Variants in TCF12 observed in about 807,000 individuals in gnomAD.
TCF12 encodes the protein DNA-binding protein HTF4.
A neutral mutation model predicts 86.0 loss-of-function variants in TCF12; 45 were observed. The observed-to-expected ratio is 0.52, with a 90% confidence interval of 0.41 to 0.67. TCF12 has a LOEUF of 0.67. TCF12 is among the 30% of genes least tolerant of loss of function. TCF12 has a pLI of 0.00. For synonymous variants in TCF12, 330 were observed against 299.6 expected, an observed-to-expected ratio of 1.10 and a Z score of -1.05; for missense variants, 881 against 859.9, an observed-to-expected ratio of 1.02 and a Z score of -0.31.
chr15:57,089,429 T>C (rs2048847431), intron 4 of TCF12, among the ~76,000 whole-genome samples: 1 of 152,144 alleles, frequency 6.6e-6, no homozygotes. Flanking sequence ...TCCCAGTCAT[T>C]AGCAGTGGGA....
intron 3 of TCF12, among the ~76,000 whole-genome samples, chr15:56,980,226 G>T (rs2062826068): frequency 1.3e-5 from 2 of 152,132 alleles, no homozygotes; most frequent in Non-Finnish European, 2.9e-5. Flanking sequence ...TTAGCTGGGG[G>T]TAGTGGCATG....
intron 3 of TCF12, among the ~76,000 whole-genome samples, chr15:56,948,109 G>A (rs185222656): frequency 8.4e-4 from 128 of 151,826 alleles, no homozygotes; most frequent in Middle Eastern, 3.4e-3. Context: ...GAGATGATGC[G>A]TACAAAAATA....
At chr15:57,222,919 G>A (rs1183255573) in intron 8 of TCF12, among the ~76,000 whole-genome samples, 3 of 151,412 alleles carry the variant, frequency 2.0e-5, no homozygotes, top group Admixed American at 6.6e-5. Flanking sequence ...AGACATGATG[G>A]CCTTTTCATT....
Position 57,286,994 on chromosome 15 carries a change from A to C in TCF12, c.*849A>C, listed in dbSNP as rs2061956469. ...ATTTTGTTCTCTAGGTTTTCCCCCA[A>C]ATAAACATTGCTTTATTTCTAATAA... On this transcript the variant is annotated 3_prime_UTR_variant, in exon 21 of 21. Transcript: ENST00000333725. 5.9e-6 allele frequency: 1 copy of C among 170,476 alleles called. No homozygotes were observed. The highest frequency in any genetic ancestry group is 1.3e-5 in the Non-Finnish European group (1 of 78,104). 10.6% of individuals were successfully genotyped at this position (170,476 alleles called of 1,614,324 possible).
At chr15:57,109,516 C>T (rs1017807829) in intron 5 of TCF12, among the ~76,000 whole-genome samples, 2 of 152,004 alleles carry the variant, frequency 1.3e-5, no homozygotes, top group Non-Finnish European at 2.9e-5. Context: ...TATGAGTATT[C>T]GAATTTCTAT....
intron 6 of TCF12, among the ~76,000 whole-genome samples, chr15:57,169,931 A>T (rs548481470): frequency 6.6e-6 from 1 of 152,362 alleles, no homozygotes; most frequent in East Asian, 1.9e-4. Context: ...TTTGTACCAC[A>T]TTTAATTCTC....
chr15:57,246,029 A>G (rs2059843498), intron 13 of TCF12, among the ~76,000 whole-genome samples: 1 of 151,864 alleles, frequency 6.6e-6, no homozygotes, highest in South Asian at 2.1e-4. Context: ...GGGAAAAAAA[A>G]AGGAAAAGAA....
intron 8 of TCF12, among the ~76,000 whole-genome samples, chr15:57,223,651 T>TTTTTTTTTTTG (rs2058718061): frequency 7.2e-6 from 1 of 139,196 alleles, no homozygotes; most frequent in Non-Finnish European, 1.6e-5. Context: ...AGGTTTTTTT[T>TTTTTTTTTTTG]TTTTTTTTTT....
chr15:57,282,225 A>C, intron 19 of TCF12: 1 of 580,470 alleles, frequency 1.7e-6, no homozygotes, highest in Admixed American at 3.3e-5. Flanking sequence ...AGAAAACTAA[A>C]TCATAAGCAA....
intron 3 of TCF12, among the ~76,000 whole-genome samples, chr15:56,977,119 A>G (rs1221159287): frequency 6.6e-6 from 1 of 152,172 alleles, no homozygotes; most frequent in African/African-American, 2.4e-5. Context: ...TTACTACAAA[A>G]TGGGTGACTT....
chr15:57,225,511 C>T (rs2058835359), intron 8 of TCF12, among the ~76,000 whole-genome samples: 2 of 152,030 alleles, frequency 1.3e-5, no homozygotes, highest in Admixed American at 1.3e-4. Flanking sequence ...TCCCAAAGTG[C>T]TGGGATTACA....
At chr15:57,118,650 A>G (rs922372781) in intron 5 of TCF12, among the ~76,000 whole-genome samples, 4 of 152,160 alleles carry the variant, frequency 2.6e-5, no homozygotes, top group Non-Finnish European at 4.4e-5. Flanking sequence ...TGCATTGTGC[A>G]TATATGTGTT....
intron 7 of TCF12, among the ~76,000 whole-genome samples, chr15:57,194,510 A>ACAGT (rs1302791834): frequency 8.5e-5 from 13 of 152,316 alleles, no homozygotes; most frequent in African/African-American, 3.1e-4. Context: ...TCTTAGCATT[A>ACAGT]CAGTTATTGA....
chr15:57,156,635 A>G (rs2054128539), intron 5 of TCF12, among the ~76,000 whole-genome samples: 1 of 152,196 alleles, frequency 6.6e-6, no homozygotes, highest in African/African-American at 2.4e-5. Context: ...GCTTTATGCC[A>G]TAGATGGAGG....
intron 3 of TCF12, among the ~76,000 whole-genome samples, chr15:57,031,533 T>C (rs1428567212): frequency 2.0e-5 from 3 of 152,218 alleles, no homozygotes; most frequent in African/African-American, 7.2e-5. Context: ...AAGAGGATAA[T>C]ATTCTCCGGT....
chr15:57,121,726 T>C (rs563756704), intron 5 of TCF12, among the ~76,000 whole-genome samples: 4 of 152,208 alleles, frequency 2.6e-5, no homozygotes, highest in Admixed American at 2.6e-4. Context: ...TCTCAGTCTC[T>C]AGAACCATGA....
chr15:57,000,476 G>A (rs2585121), intron 3 of TCF12, among the ~76,000 whole-genome samples: 1 of 152,106 alleles, frequency 6.6e-6, no homozygotes, highest in African/African-American at 2.4e-5. Context: ...ATCAAAATTT[G>A]TGATGCAACA....
chr15:57,112,477 C>G (rs1236017682), intron 5 of TCF12, among the ~76,000 whole-genome samples: 1 of 152,122 alleles, frequency 6.6e-6, no homozygotes, highest in Non-Finnish European at 1.5e-5. Context: ...AACTTGATCT[C>G]AACAAATGTT....
Position 57,214,437 on chromosome 15 carries a change from T to A in TCF12, c.579+16612T>A, listed in dbSNP as rs185924791. The A allele has an allele frequency of 5.3e-5, 8 of 152,358 alleles. No individual in the cohort carries two copies. In the East Asian group the frequency reaches 1.5e-3, roughly 29 times the overall value. 9.4% of individuals were successfully genotyped at this position (152,358 alleles called of 1,614,324 possible). On this transcript the variant is annotated intron_variant, in intron 8 of 20. Coordinates refer to ENST00000333725, the MANE Select transcript of TCF12 (RefSeq NM_207037.2). ...CATATCCTCATTATAGTCGTATGGTTGTCAAAAGGAAATTAATTGTTCTTT... is the reference window on the plus strand; with the variant it reads ...CATATCCTCATTATAGTCGTATGGTAGTCAAAAGGAAATTAATTGTTCTTT...
Sources: gnomAD v4.1 joint callset for allele counts (sites outside exome capture counted in the v4.1 genomes callset) on GRCh38, gnomAD v4.1.1 for gene constraint, MANE v1.5 for transcripts, NCBI Gene and HGNC (gene_info 2026-07-23, HGNC 2026-07-21) for gene names.